DCDC1: variants seen among roughly 807,000 people sequenced by gnomAD.
The protein encoded by DCDC1 is doublecortin domain-containing protein 1.
Under a neutral mutation model 178.3 loss-of-function variants are expected in DCDC1, and 200 were observed. The ratio of observed to expected loss-of-function variants is 1.12; its 90% CI spans 1.00 to 1.26. The LOEUF (loss-of-function observed/expected upper bound fraction) is 1.26. DCDC1 is among the 50% of genes most tolerant of loss of function. The pLI is 0.00. For synonymous variants in DCDC1, 690 were observed against 604.8 expected (o/e 1.14, Z -2.07); for missense variants, 1,983 against 1,749.2 (o/e 1.13, Z -2.38).
At chr11:30,900,302 C>T (rs1043463299) in intron 33 of DCDC1, 44 bp downstream of exon 33, 7 of 1,430,774 alleles carry the variant, frequency 4.9e-6, no homozygotes, top group Non-Finnish European at 5.6e-6. Flanking sequence ...TTTCTCTCTC[C>T]CTTCATATAC....
At chr11:31,288,657 T>C (rs1243494037) in intron 7 of DCDC1, among the ~76,000 whole-genome samples, 3 of 151,888 alleles carry the variant, frequency 2.0e-5, no homozygotes, top group Non-Finnish European at 4.4e-5. Context: ...CAGTTTTACA[T>C]TACTTAGTAG....
chr11:31,064,844 T>G (rs1016165254), intron 19 of DCDC1, among the ~76,000 whole-genome samples, 175 bp downstream of exon 19: 1 of 152,216 alleles, frequency 6.6e-6, no homozygotes, highest in African/African-American at 2.4e-5. Context: ...GTTATATGTT[T>G]ACATAAATAT....
At chr11:31,087,797 T>C (rs2135632812) in intron 17 of DCDC1, among the ~76,000 whole-genome samples, 1 of 152,322 alleles carries the variant, frequency 6.6e-6, no homozygotes, top group Middle Eastern at 3.4e-3. Flanking sequence ...CATCTTCTGC[T>C]GTTATTGAAT....
At chr11:31,343,178 G>A (rs1220793516) in intron 1 of DCDC1, among the ~76,000 whole-genome samples, 1 of 152,108 alleles carries the variant, frequency 6.6e-6, no homozygotes, top group East Asian at 1.9e-4. Flanking sequence ...AGACTGAGGC[G>A]AGAGGATCAC....
intron 21 of DCDC1, among the ~76,000 whole-genome samples, chr11:30,949,242 A>C (rs1948256278): frequency 6.6e-6 from 1 of 152,242 alleles, no homozygotes; most frequent in Non-Finnish European, 1.5e-5. Flanking sequence ...CAGCCAACAA[A>C]CATATTAAAT....
intron 20 of DCDC1, among the ~76,000 whole-genome samples, chr11:31,000,651 A>G (rs1951519072): frequency 6.6e-6 from 1 of 152,092 alleles, no homozygotes; most frequent in Non-Finnish European, 1.5e-5. Flanking sequence ...AACATGCTAC[A>G]TTAATGAAGC....
chr11:30,959,090 G>T (rs1019193496), intron 20 of DCDC1, among the ~76,000 whole-genome samples: 6 of 152,152 alleles, frequency 3.9e-5, no homozygotes, highest in African/African-American at 1.4e-4. Context: ...ATCTAAAATT[G>T]ATGGAAGAGG....
At chr11:31,147,502 G>A (rs560155174) in intron 9 of DCDC1, among the ~76,000 whole-genome samples, 1 of 152,288 alleles carries the variant, frequency 6.6e-6, no homozygotes, top group East Asian at 1.9e-4. Flanking sequence ...ACTTGCAAAG[G>A]CCTGAAAGAA....
At position 31,019,311 on chromosome 11, in the gene DCDC1, C is replaced by T. The variant is rs566619086; in HGVS notation, c.2591+45158G>A. Among the ~76,000 whole-genome samples, 75 of 152,120 alleles carry T rather than the reference C, an allele frequency of 4.9e-4. No individual in the cohort carries two copies. In the South Asian group the frequency reaches 5.6e-3, roughly 11 times the overall value. On this transcript the variant is annotated intron_variant, in intron 20 of 38. Transcript: ENST00000684477. ...AGAGATGGAAAGACTTAAAGATGAG[C>T]GCCAAAATGAGGCAGGGCAAATACA... is the stretch of plus-strand genomic sequence containing the variant.
At chr11:31,213,146 T>TCC (rs1972945531) in intron 9 of DCDC1, among the ~76,000 whole-genome samples, 1 of 139,994 alleles carries the variant, frequency 7.1e-6, no homozygotes. Flanking sequence ...TCTCTCTCTC[T>TCC]CTCTCTCTCT....
At chr11:31,092,691 A>G (rs933462903) in intron 16 of DCDC1, among the ~76,000 whole-genome samples, 8 of 152,224 alleles carry the variant, frequency 5.3e-5, no homozygotes, top group African/African-American at 1.9e-4. Context: ...ATGAAATTCT[A>G]GAAACAGATA....
chr11:31,308,445 A>G (rs1948587783), intron 3 of DCDC1, among the ~76,000 whole-genome samples: 1 of 152,218 alleles, frequency 6.6e-6, no homozygotes. Flanking sequence ...AGATGAAAAT[A>G]ATTCATTGAA....
chr11:30,878,710 C>T lies in DCDC1; in HGVS notation c.5235G>A (p.Glu1745=). 10 of 1,498,496 alleles carry T rather than the reference C, an allele frequency of 6.7e-6. No individual in the cohort carries two copies. Among genetic ancestry groups the T allele is most frequent in the Non-Finnish European group, 8.9e-6 (10 of 1,125,416 alleles). 92.8% of individuals were successfully genotyped at this position (1,498,496 alleles called of 1,614,324 possible). A position where few individuals can be genotyped will look rare whatever the true frequency, so the allele number is the denominator to read the frequency against. ...SMGHGFKTPK[E]LKQLMEIRAN... Reference sequence around the variant, plus strand: ...CTCTGATCTCCATCAGTTGTTTTAACTCTGTTAAAAAAAAAAAAAAAAGAA... The same window carrying T: ...CTCTGATCTCCATCAGTTGTTTTAATTCTGTTAAAAAAAAAAAAAAAAGAA... Residue 1745 remains glutamate, a splice_region_variant and synonymous_variant, in exon 38 of 39, where the codon GAG becomes GAA. Transcript: ENST00000684477.
intron 11 of DCDC1, among the ~76,000 whole-genome samples, chr11:31,125,972 G>A (rs1296993932): frequency 6.6e-6 from 1 of 151,722 alleles, no homozygotes; most frequent in Non-Finnish European, 1.5e-5. Context: ...ATATATGAGA[G>A]AGACAATTCT....
intron 8 of DCDC1, among the ~76,000 whole-genome samples, chr11:31,247,173 TG>T (rs1204095417): frequency 6.6e-6 from 1 of 152,052 alleles, no homozygotes; most frequent in African/African-American, 2.4e-5. Flanking sequence ...ATAGGACACC[TG>T]GTTATTTTAA....
At chr11:31,299,370 G>A (rs1947932265) in intron 6 of DCDC1, among the ~76,000 whole-genome samples, 2 of 152,176 alleles carry the variant, frequency 1.3e-5, no homozygotes, top group Middle Eastern at 3.4e-3. Flanking sequence ...TCAAAATGTT[G>A]TCACCCTTTC....
chr11:31,062,228 T>C (rs1424366693), intron 20 of DCDC1, among the ~76,000 whole-genome samples: 4 of 152,072 alleles, frequency 2.6e-5, no homozygotes, highest in Non-Finnish European at 5.9e-5. Context: ...CCCAAGATAA[T>C]GACAAGCGCC....
intron 1 of DCDC1, among the ~76,000 whole-genome samples, chr11:31,369,341 C>T (rs1264558904): frequency 2.0e-5 from 3 of 152,120 alleles, no homozygotes; most frequent in Admixed American, 2.0e-4. Flanking sequence ...AAAAATTAAA[C>T]CGACCCCATC....
rs530302349 is a variant in DCDC1 at position 31,281,732 on chromosome 11, G to C, written c.960+8915C>G. Among the ~76,000 whole-genome samples the C allele has an allele frequency of 2.0e-5, 3 of 152,232 alleles. No homozygotes were observed. The South Asian group carries it at 6.2e-4, about 32-fold the overall frequency. On this transcript the variant is annotated intron_variant, in intron 7 of 38. Coordinates refer to ENST00000684477, the MANE Select transcript of DCDC1 (RefSeq NM_001387274.1). ...GTTGTGAATAAGTCTCACAAGACCTGATGGTTTGATAAGGGGAAACTGTTT... is the reference window on the plus strand; with the variant it reads ...GTTGTGAATAAGTCTCACAAGACCTCATGGTTTGATAAGGGGAAACTGTTT...
Sources: gnomAD v4.1 joint callset for allele counts (sites outside exome capture counted in the v4.1 genomes callset) on GRCh38, gnomAD v4.1.1 for gene constraint, MANE v1.5 for transcripts, NCBI Gene and HGNC (gene_info 2026-07-23, HGNC 2026-07-21) for gene names.